MYH7: variants seen among roughly 807,000 people sequenced by gnomAD.
MYH7 encodes myosin-7.
In MYH7, 129 loss-of-function variants were observed where a neutral mutation model predicts 225.4. The observed-to-expected ratio is 0.57, with a 90% CI of 0.50 to 0.66. MYH7 has a LOEUF of 0.66. MYH7 is among the 30% of genes least tolerant of loss of function. The pLI, the probability that MYH7 is intolerant of heterozygous loss-of-function variation, is 0.00. For missense variants in MYH7, 1,649 were observed against 2,517.0 expected, an observed-to-expected ratio of 0.66 and a Z score of 7.38; for synonymous variants, 971 against 1,007.6, an observed-to-expected ratio of 0.96 and a Z score of 0.69.
intron 18 of MYH7, among the ~76,000 whole-genome samples, 189 bp downstream of exon 18, chr14:23,426,588 C>A (rs1892700835): frequency 6.6e-6 from 1 of 152,190 alleles, no homozygotes; most frequent in Admixed American, 6.5e-5. Flanking sequence ...TTACACATCA[C>A]CCTCATTACA....
Position 23,425,240 on chromosome 14 carries a change from G to C in MYH7, c.2423+42C>G. On this transcript the variant is annotated intron_variant, in intron 21 of 39. Coordinates refer to ENST00000355349, the MANE Select transcript of MYH7 (RefSeq NM_000257.4). This position sits in a 1 kb window ranked among gnomAD's most constrained non-coding sequence, Gnocchi z 4.6. ...CCTGACACTGCCCCTGAACCAGCCTGGGCCTCAGAGAAGCGGGAAACCTCC... is the reference window on the plus strand; with the variant it reads ...CCTGACACTGCCCCTGAACCAGCCTCGGCCTCAGAGAAGCGGGAAACCTCC... 2 of 1,614,072 alleles carry C rather than the reference G, an allele frequency of 1.2e-6. No homozygotes were observed. The highest frequency in any genetic ancestry group is 1.7e-6 in the Non-Finnish European group (2 of 1,180,020).
At chr14:23,414,920 C>G in intron 37 of MYH7, 75 bp downstream of exon 37, 45 of 1,591,622 alleles carry the variant, frequency 2.8e-5, no homozygotes, top group South Asian at 4.4e-5. Context: ...TAAGAGCAAA[C>G]TCTTCATTCT....
intron 9 of MYH7, 32 bp from the exon 10 acceptor site, chr14:23,431,031 A>T (rs750196094): frequency 6.6e-7 from 1 of 1,515,810 alleles, no homozygotes; most frequent in African/African-American, 1.4e-5. Flanking sequence ...AAGGAGAGAA[A>T]GAAAAGTTAG....
rs1892127650 is a variant in MYH7 at position 23,415,048 on chromosome 14, A to C, written c.5506T>G (p.Ser1836Ala). 5.6e-6 allele frequency: 9 copies of C among 1,612,104 alleles called. No individual in the cohort carries two copies. The highest frequency in any genetic ancestry group is 7.6e-6 in the Non-Finnish European group (9 of 1,179,878). Residue 1836 changes from serine (S) to alanine (A), a missense_variant, in exon 37 of 40, where the codon TCG (serine) becomes GCG (alanine). Around this residue, in one of 12 missense-constraint regions of MYH7, gnomAD observed 687 missense variants for 913.8 expected, o/e 0.75. Coordinates refer to ENST00000355349, the MANE Select transcript of MYH7 (RefSeq NM_000257.4). This position sits in a 1 kb window ranked among gnomAD's most constrained non-coding sequence, Gnocchi z 6.3. ...TCGCTCTTCCTCATGCCCTTCACCG[A>C]CTCTGCGTTGCGCTTCTGCTCGGCC... ...LEAEQKRNAESVKGMRKSERR... is the reference protein window; with the variant it reads ...LEAEQKRNAEAVKGMRKSERR...
intron 11 of MYH7, among the ~76,000 whole-genome samples, chr14:23,430,162 A>G (rs1892869049): frequency 6.6e-6 from 1 of 152,068 alleles, no homozygotes; most frequent in South Asian, 2.1e-4. Flanking sequence ...AGCTTTTCTG[A>G]GTTACCCACT....
rs1164797743 is a variant in MYH7 at position 23,424,716 on chromosome 14, G to T, written c.2679+53C>A. On this transcript the variant is annotated intron_variant, in intron 22 of 39. Transcript: ENST00000355349. ...CTGTGCAGGGAGGTGCAGGGTTGTG[G>T]GAAGTGAAGGCAGAGCAGGGTGGAA... 1.9e-6 allele frequency: 3 copies of T among 1,611,118 alleles called. No individual in the cohort carries two copies. In the Admixed American group the frequency reaches 5.0e-5, roughly 27 times the overall value.
At position 23,414,117 on chromosome 14, in the gene MYH7, G is replaced by A. The variant is rs1369339329; in HGVS notation, c.5560-15C>T. 1.2e-6 allele frequency: 2 copies of A among 1,608,768 alleles called. No homozygotes were observed. The highest frequency in any genetic ancestry group is 2.2e-5 in the South Asian group (2 of 91,060). ...TCCTCCTCCGTCTGGGGGCCAGAGG[G>A]TAGGCAGGGGGTGAAGATGGCACAG... On this transcript the variant is annotated splice_polypyrimidine_tract_variant and intron_variant, in intron 37 of 39. Coordinates refer to ENST00000355349, the MANE Select transcript of MYH7 (RefSeq NM_000257.4).
chr14:23,429,605 T>A (rs1892843131), intron 12 of MYH7, among the ~76,000 whole-genome samples, 170 bp downstream of exon 12: 1 of 148,788 alleles, frequency 6.7e-6, no homozygotes, highest in South Asian at 2.1e-4. Context: ...GAACCCAGGA[T>A]GTGGAGGTGG....
In MYH7 at chr14:23,431,889, T is replaced by C. The variant is rs1179006392; in HGVS notation, c.531-20A>G. On this transcript the variant is annotated intron_variant, in intron 6 of 39. Coordinates refer to ENST00000355349, the MANE Select transcript of MYH7 (RefSeq NM_000257.4). The stretch of plus-strand genomic sequence containing the variant: ...TCTCCGCTGTGAAGACAGGGGCTTA[T>C]TGGGCAGTGAACAATACTACTGGAG... 4 of 1,611,584 alleles carry C rather than the reference T, an allele frequency of 2.5e-6. No homozygotes were observed. Among genetic ancestry groups the C allele is most frequent in the Non-Finnish European group, 3.4e-6 (4 of 1,177,616 alleles).
intron 18 of MYH7, 118 bp downstream of exon 18, chr14:23,426,659 G>T: frequency 1.1e-6 from 1 of 924,610 alleles, no homozygotes; most frequent in Non-Finnish European, 1.8e-6. Context: ...TGCGGGATGG[G>T]AGGAGAAGAA....
intron 12 of MYH7, 97 bp downstream of exon 12, chr14:23,429,678 A>G: frequency 1.1e-6 from 1 of 889,444 alleles, no homozygotes; most frequent in Non-Finnish European, 1.5e-6. Context: ...TCCATCTCAA[A>G]AAAAAAAAAA....
chr14:23,428,392 GC>G lies in MYH7; in HGVS notation c.1578+107del. On this transcript the variant is annotated intron_variant, in intron 15 of 39. Coordinates refer to ENST00000355349, the MANE Select transcript of MYH7 (RefSeq NM_000257.4). ...TGGAACCAAGGGCTCGGATCCTTCA[GC>G]CCCTTCTATTTTTATATTCCCCAGA... is the stretch of plus-strand genomic sequence containing the variant. 2.6e-6 allele frequency: 4 copies of G among 1,557,254 alleles called. No homozygotes were observed. The South Asian group carries it at 3.4e-5, about 13-fold the overall frequency.
chr14:23,431,306 A>T, intron 9 of MYH7, 112 bp downstream of exon 9: 3 of 1,080,706 alleles, frequency 2.8e-6, no homozygotes, highest in Non-Finnish European at 2.8e-6. Context: ...ACAGACAGAG[A>T]CTTAAAGAGG....
Position 23,415,358 on chromosome 14 carries a change from G to T in MYH7, c.5283+23C>A. 1.9e-6 allele frequency: 3 copies of T among 1,614,200 alleles called. No homozygotes were observed. The highest frequency in any genetic ancestry group is 2.5e-6 in the Non-Finnish European group (3 of 1,180,040). On this transcript the variant is annotated intron_variant, in intron 36 of 39. Coordinates refer to ENST00000355349, the MANE Select transcript of MYH7 (RefSeq NM_000257.4). This position sits in a 1 kb window ranked among gnomAD's most constrained non-coding sequence, Gnocchi z 6.3. ...CACGGAGAGACACTGGTCTGGATCGGGTCGGTGGAGTGGGGGACTTACATC... is the reference window on the plus strand; with the variant it reads ...CACGGAGAGACACTGGTCTGGATCGTGTCGGTGGAGTGGGGGACTTACATC...
In MYH7 at chr14:23,414,142, G is replaced by T. The variant is rs376861010; in HGVS notation, c.5560-40C>A. ...GTAGGCAGGGGGTGAAGATGGCACA[G>T]TCATAGAAGGTAGCATCCCCTCCGC... On this transcript the variant is annotated intron_variant, in intron 37 of 39. Transcript: ENST00000355349. 1.7e-5 allele frequency: 27 copies of T among 1,572,154 alleles called. No individual in the cohort carries two copies. The African/African-American group carries it at 3.4e-4, about 20-fold the overall frequency.
intron 9 of MYH7, 103 bp from the exon 10 acceptor site, chr14:23,431,102 G>T: frequency 1.2e-6 from 1 of 827,592 alleles, no homozygotes; most frequent in South Asian, 1.4e-5. Flanking sequence ...GGGAAGGGAA[G>T]AGCCAGAGAG....
rs140413525 is a variant in MYH7, at chr14:23,420,939, G to A, written c.3336+19C>T. The A allele has an allele frequency of 4.4e-6, 7 of 1,604,372 alleles. No individual in the cohort carries two copies. Among genetic ancestry groups the A allele is most frequent in the East Asian group, 2.2e-5 (1 of 44,846 alleles). Reference sequence around the variant, plus strand: ...CCAGCCCAGGGACTCAGCATCCCGCGTGGGTGTCCAGACCTCACCTGAAGC... The same window carrying A: ...CCAGCCCAGGGACTCAGCATCCCGCATGGGTGTCCAGACCTCACCTGAAGC... On this transcript the variant is annotated intron_variant, in intron 26 of 39. Coordinates refer to ENST00000355349, the MANE Select transcript of MYH7 (RefSeq NM_000257.4).
intron 24 of MYH7, 125 bp downstream of exon 24, chr14:23,423,422 T>C: frequency 7.6e-7 from 1 of 1,309,388 alleles, no homozygotes; most frequent in Non-Finnish European, 1.1e-6. Context: ...TACCCCCCTC[T>C]AAACATAAAC....
chr14:23,432,339 A>G, intron 6 of MYH7, 140 bp downstream of exon 6: 1 of 1,026,698 alleles, frequency 9.7e-7, no homozygotes. Context: ...GGTCAGGGTA[A>G]TGGTCAGAGA....
Sources: allele counts gnomAD v4.1 joint callset (sites outside exome capture counted in the v4.1 genomes callset), GRCh38; gene constraint gnomAD v4.1.1; regional missense constraint gnomAD v4.1.1; non-coding constraint Gnocchi (gnomAD v3.1); transcripts MANE v1.5; gene names NCBI Gene and HGNC (gene_info 2026-07-23, HGNC 2026-07-21).